Variants in KPNA1 observed in about 807,000 individuals in gnomAD.
The protein encoded by KPNA1 is karyopherin subunit alpha 1.
A neutral mutation model predicts 70.5 loss-of-function variants in KPNA1; 10 were observed. That is an observed-to-expected ratio of 0.14 (90% CI 0.09 to 0.24). The LOEUF is 0.24. KPNA1 is among the 10% of genes least tolerant of loss of function. The pLI is 1.00. For missense variants in KPNA1, 397 were observed against 637.9 expected (o/e 0.62, Z 4.07); for synonymous variants, 192 against 221.9 (o/e 0.87, Z 1.20).
chr3:122,456,170 C>T (rs1169949344), intron 5 of KPNA1, among the ~76,000 whole-genome samples: 2 of 151,986 alleles, frequency 1.3e-5, no homozygotes, highest in African/African-American at 4.8e-5. Context: ...ATTATTTATA[C>T]TAAAAAAGAA....
At chr3:122,491,848 ACAT>A (rs1328874426) in intron 2 of KPNA1, among the ~76,000 whole-genome samples, 1 of 137,742 alleles carries the variant, frequency 7.3e-6, no homozygotes, top group East Asian at 2.1e-4. Flanking sequence ...TTTGACCATC[ACAT>A]TTTTTTTTTT....
chr3:122,502,011 AT>A (rs2076834587), intron 1 of KPNA1, among the ~76,000 whole-genome samples: 1 of 152,236 alleles, frequency 6.6e-6, no homozygotes, highest in African/African-American at 2.4e-5. Flanking sequence ...ATAATTACAT[AT>A]ACGAACATGA....
intron 12 of KPNA1, among the ~76,000 whole-genome samples, chr3:122,429,686 T>C (rs149242514): frequency 1.4e-4 from 21 of 152,234 alleles, no homozygotes; most frequent in African/African-American, 4.8e-4. Flanking sequence ...AGCATGTTAA[T>C]AGATACCAAC....
intron 2 of KPNA1, among the ~76,000 whole-genome samples, chr3:122,473,518 T>C (rs2076465722): frequency 6.6e-6 from 1 of 152,174 alleles, no homozygotes; most frequent in African/African-American, 2.4e-5. Context: ...AAACGAATCA[T>C]ATACCATGAT....
At chr3:122,443,747 C>T (rs7620827) in intron 9 of KPNA1, among the ~76,000 whole-genome samples, 21,198 of 151,898 alleles carry the variant, frequency 0.14, 1,592 homozygotes, top group East Asian at 0.32. Flanking sequence ...AGGGAGTGTA[C>T]GAATAGGGTG....
chr3:122,502,519 G>A (rs1218493673), intron 1 of KPNA1, among the ~76,000 whole-genome samples: 4 of 152,148 alleles, frequency 2.6e-5, no homozygotes. Flanking sequence ...ACCTTGATCT[G>A]GAATTCTAGC....
chr3:122,507,921 T>C (rs2076909724), intron 1 of KPNA1, among the ~76,000 whole-genome samples: 1 of 152,044 alleles, frequency 6.6e-6, no homozygotes, highest in Non-Finnish European at 1.5e-5. Context: ...CTTATGAGGG[T>C]TTTCAAATTT....
chr3:122,456,228 T>G (rs1045260826), intron 5 of KPNA1, among the ~76,000 whole-genome samples: 1 of 152,192 alleles, frequency 6.6e-6, no homozygotes, highest in African/African-American at 2.4e-5. Context: ...CTAGGAAAAT[T>G]AATTTGTAAA....
chr3:122,426,956 A>G lies in KPNA1; in HGVS notation c.*29T>C. 1 of 1,595,780 alleles carries G rather than the reference A, an allele frequency of 6.3e-7. No individual in the cohort carries two copies. Among genetic ancestry groups the G allele is most frequent in the Non-Finnish European group, 8.6e-7 (1 of 1,164,364 alleles). ...GGACTCGACTGGGTAGCCTGGTCTG[A>G]CACAGGTACGTGAAAGCAGAGTATT... On this transcript the variant is annotated 3_prime_UTR_variant, in exon 14 of 14. Coordinates refer to ENST00000344337, the MANE Select transcript of KPNA1 (RefSeq NM_002264.4).
chr3:122,491,668 C>T (rs1380876337), intron 2 of KPNA1, among the ~76,000 whole-genome samples: 2 of 152,108 alleles, frequency 1.3e-5, no homozygotes, highest in African/African-American at 2.4e-5. Flanking sequence ...GAAAACGTCT[C>T]AGCATGATGG....
chr3:122,484,589 G>A (rs984452509), intron 2 of KPNA1, among the ~76,000 whole-genome samples: 1 of 149,134 alleles, frequency 6.7e-6, no homozygotes, highest in Non-Finnish European at 1.5e-5. Flanking sequence ...GTTGCAGTGA[G>A]CTGAGATCAC....
intron 2 of KPNA1, among the ~76,000 whole-genome samples, chr3:122,472,142 T>C (rs909182501): frequency 6.6e-6 from 1 of 152,106 alleles, no homozygotes; most frequent in Non-Finnish European, 1.5e-5. Context: ...AGAATACACA[T>C]TTTTACACTC....
intron 5 of KPNA1, chr3:122,457,783 G>A: frequency 7.8e-7 from 1 of 1,289,804 alleles, no homozygotes; most frequent in Non-Finnish European, 1.0e-6. Context: ...TCTCCATTTG[G>A]ATCAGGACTC....
chr3:122,489,053 C>CATGT (rs1553792396), intron 2 of KPNA1, among the ~76,000 whole-genome samples: 4 of 118,738 alleles, frequency 3.4e-5, no homozygotes, highest in Non-Finnish European at 6.7e-5. Flanking sequence ...GGTTTTTTTG[C>CATGT]GTGCGTGTGT....
At chr3:122,473,475 A>G (rs1386480843) in intron 2 of KPNA1, among the ~76,000 whole-genome samples, 1 of 152,234 alleles carries the variant, frequency 6.6e-6, no homozygotes, top group African/African-American at 2.4e-5. Context: ...AATCCTCAAC[A>G]AAACATTAGC....
intron 2 of KPNA1, among the ~76,000 whole-genome samples, chr3:122,475,403 C>T (rs1458716799): frequency 6.6e-6 from 1 of 152,128 alleles, no homozygotes; most frequent in Non-Finnish European, 1.5e-5. Flanking sequence ...ATTAGAAGAA[C>T]AGTATTAACA....
intron 6 of KPNA1, 65 bp from the exon 7 acceptor site, chr3:122,452,129 C>T: frequency 9.8e-7 from 1 of 1,017,082 alleles, no homozygotes; most frequent in Admixed American, 1.8e-5. Flanking sequence ...CTTTCAGATG[C>T]CAGTATATCA....
intron 1 of KPNA1, among the ~76,000 whole-genome samples, chr3:122,500,945 G>C (rs1319877460): frequency 6.6e-6 from 1 of 150,786 alleles, no homozygotes; most frequent in African/African-American, 2.4e-5. Context: ...GCTTGCTTTA[G>C]GTTTACTCTG....
chr3:122,483,358 TTTTAAATTGG>T (rs951790346), intron 2 of KPNA1: 1 of 143,294 alleles, frequency 7.0e-6, no homozygotes, highest in Non-Finnish European at 1.6e-5. Flanking sequence ...GTTTTGTTTT[TTTTAAATTGG>T]AGTTTCACTC....
Sources: gnomAD v4.1 joint callset for allele counts (sites outside exome capture counted in the v4.1 genomes callset) on GRCh38, gnomAD v4.1.1 for gene constraint, MANE v1.5 for transcripts, NCBI Gene and HGNC (gene_info 2026-07-23, HGNC 2026-07-21) for gene names.